ZNF804B: variants seen among roughly 807,000 people sequenced by gnomAD.
The protein encoded by ZNF804B is zinc finger protein 804B, also known as zinc finger 804B.
In ZNF804B, 80 loss-of-function variants were observed where a neutral mutation model predicts 101.4. That is an observed-to-expected ratio of 0.79 (90% CI 0.66 to 0.95). The LOEUF is 0.95. ZNF804B is among the 40% of genes least tolerant of loss of function. ZNF804B has a pLI of 0.00. For missense variants in ZNF804B, 1,673 were observed against 1,561.9 expected (o/e 1.07, Z -1.20); for synonymous variants, 622 against 558.8 (o/e 1.11, Z -1.59).
At chr7:89,208,494 C>G (rs1281813174) in intron 1 of ZNF804B, among the ~76,000 whole-genome samples, 4 of 152,234 alleles carry the variant, frequency 2.6e-5, no homozygotes, top group Non-Finnish European at 2.9e-5. Flanking sequence ...TATCTTCCCT[C>G]TTTTTCCTTC....
In ZNF804B at chr7:89,247,956, A is replaced by G. The variant is rs142724606; in HGVS notation, c.249+29661A>G. ...CTCACTTAAAGGAATTTCAAAATACAATGGAAAGCTTTATCAATAGACTGA... is the reference window on the plus strand; with the variant it reads ...CTCACTTAAAGGAATTTCAAAATACGATGGAAAGCTTTATCAATAGACTGA... On this transcript the variant is annotated intron_variant, in intron 2 of 3. Transcript: ENST00000333190. Among the ~76,000 whole-genome samples the G allele has an allele frequency of 3.8e-3, 574 of 152,326 alleles. 3 individuals carry two copies. Among genetic ancestry groups the G allele is most frequent in the African/African-American group, 0.013 (551 of 41,576 alleles).
intron 1 of ZNF804B, among the ~76,000 whole-genome samples, chr7:88,910,272 A>G (rs1221198390): frequency 6.6e-6 from 1 of 151,892 alleles, no homozygotes; most frequent in Non-Finnish European, 1.5e-5. Flanking sequence ...TTCTGAGAGT[A>G]ATTTCAGACA....
At chr7:89,311,320 A>G (rs1790646621) in intron 2 of ZNF804B, among the ~76,000 whole-genome samples, 1 of 152,238 alleles carries the variant, frequency 6.6e-6, no homozygotes, top group African/African-American at 2.4e-5. Context: ...TATACGTAAC[A>G]TTCAAACACT....
At chr7:89,306,852 A>T (rs1674538876) in intron 2 of ZNF804B, among the ~76,000 whole-genome samples, 1 of 151,968 alleles carries the variant, frequency 6.6e-6, no homozygotes, top group Non-Finnish European at 1.5e-5. Context: ...TTGCCCCCAA[A>T]CTTAGTTCCA....
chr7:88,848,395 A>G (rs946405202), intron 1 of ZNF804B, among the ~76,000 whole-genome samples: 1 of 152,136 alleles, frequency 6.6e-6, no homozygotes, highest in African/African-American at 2.4e-5. Context: ...TAAAGGAAAG[A>G]TGCAGGCCCA....
intron 1 of ZNF804B, among the ~76,000 whole-genome samples, chr7:89,198,316 T>A (rs1259146363): frequency 6.6e-6 from 1 of 151,946 alleles, no homozygotes; most frequent in Non-Finnish European, 1.5e-5. Flanking sequence ...TATAAATTGA[T>A]ACCTTTCATT....
intron 1 of ZNF804B, among the ~76,000 whole-genome samples, chr7:89,019,672 A>G (rs56704342): frequency 0.055 from 8,359 of 152,072 alleles, 547 homozygotes; most frequent in African/African-American, 0.16. Flanking sequence ...TGTTAGATAC[A>G]TATATAATTA....
intron 1 of ZNF804B, among the ~76,000 whole-genome samples, chr7:88,883,939 C>T (rs1307387871): frequency 6.6e-6 from 1 of 151,886 alleles, no homozygotes; most frequent in African/African-American, 2.4e-5. Context: ...TTATAGGTTA[C>T]AGAAAAAACT....
intron 1 of ZNF804B, among the ~76,000 whole-genome samples, chr7:89,076,488 A>G (rs1479592402): frequency 6.6e-6 from 1 of 152,172 alleles, no homozygotes. Context: ...TTGTAAATCC[A>G]TTAAACCTCT....
chr7:89,220,300 C>G (rs1425022323), intron 2 of ZNF804B, among the ~76,000 whole-genome samples: 2 of 151,172 alleles, frequency 1.3e-5, no homozygotes, highest in Non-Finnish European at 3.0e-5. Context: ...ATGAGATAAA[C>G]TGTTTTAGGA....
At chr7:89,107,652 A>G (rs1583990407) in intron 1 of ZNF804B, among the ~76,000 whole-genome samples, 1 of 152,264 alleles carries the variant, frequency 6.6e-6, no homozygotes, top group South Asian at 2.1e-4. Context: ...ACTGGAGAGA[A>G]TCAGTGTATG....
intron 1 of ZNF804B, among the ~76,000 whole-genome samples, chr7:89,156,316 T>C (rs1471312894): frequency 6.6e-6 from 1 of 152,098 alleles, no homozygotes; most frequent in Non-Finnish European, 1.5e-5. Flanking sequence ...GGTTTCTCCA[T>C]GTTGGTCTGG....
At chr7:88,954,754 C>G (rs1793278322) in intron 1 of ZNF804B, among the ~76,000 whole-genome samples, 1 of 151,674 alleles carries the variant, frequency 6.6e-6, no homozygotes, top group Non-Finnish European at 1.5e-5. Context: ...AATATTTCAG[C>G]TTTGCTTTTA....
intron 1 of ZNF804B, among the ~76,000 whole-genome samples, chr7:89,031,201 G>GTT (rs1308964303): frequency 5.4e-5 from 8 of 148,900 alleles, no homozygotes; most frequent in South Asian, 4.3e-4. Flanking sequence ...ATATATATAT[G>GTT]TGTGTGTGTG....
intron 2 of ZNF804B, among the ~76,000 whole-genome samples, chr7:89,277,193 C>T (rs1208856): frequency 0.045 from 6,775 of 149,028 alleles, 214 homozygotes; most frequent in South Asian, 0.072. Flanking sequence ...TACATACACA[C>T]AGAAGAGAAA....
intron 1 of ZNF804B, among the ~76,000 whole-genome samples, chr7:89,160,689 T>G (rs1791046151): frequency 6.6e-6 from 1 of 152,126 alleles, no homozygotes; most frequent in Non-Finnish European, 1.5e-5. Context: ...TAATAACCAT[T>G]TGGGACTTTT....
At chr7:88,852,072 C>T (rs1168300319) in intron 1 of ZNF804B, among the ~76,000 whole-genome samples, 1 of 151,936 alleles carries the variant, frequency 6.6e-6, no homozygotes, top group Non-Finnish European at 1.5e-5. Flanking sequence ...AGAAATGAAG[C>T]CCAAGATGAA....
intron 1 of ZNF804B, among the ~76,000 whole-genome samples, chr7:89,088,646 G>A (rs1482024136): frequency 1.4e-5 from 2 of 146,132 alleles, no homozygotes; most frequent in African/African-American, 2.6e-5. Flanking sequence ...CTAGATAAGA[G>A]TCACAGCTGC....
intron 1 of ZNF804B, among the ~76,000 whole-genome samples, chr7:89,026,498 G>C (rs1452876802): frequency 6.6e-6 from 1 of 152,110 alleles, no homozygotes; most frequent in Non-Finnish European, 1.5e-5. Flanking sequence ...TTGAAGAAAG[G>C]CCACATTAGA....
Sources: allele counts gnomAD v4.1 joint callset (sites outside exome capture counted in the v4.1 genomes callset), GRCh38; gene constraint gnomAD v4.1.1; transcripts MANE v1.5; gene names NCBI Gene and HGNC (gene_info 2026-07-23, HGNC 2026-07-21).